Variants in WDR7 observed in about 807,000 individuals in gnomAD.
The protein encoded by WDR7 is WD repeat domain 7.
In WDR7, 46 loss-of-function variants were observed where a neutral mutation model predicts 169.4. The observed-to-expected ratio is 0.27, with a 90% confidence interval of 0.21 to 0.35. WDR7 has a LOEUF of 0.35. WDR7 is among the 10% of genes least tolerant of loss of function. The pLI is 1.00. For missense variants in WDR7, 1,534 were observed against 1,859.3 expected (o/e 0.83, Z 3.22); for synonymous variants, 612 against 666.8 (o/e 0.92, Z 1.27).
rs541055984 is a variant in WDR7 at position 57,027,385 on chromosome 18, A to G, written c.*178A>G. 6 of 733,416 alleles carry G rather than the reference A, an allele frequency of 8.2e-6. No individual in the cohort carries two copies. Among genetic ancestry groups the G allele is most frequent in the Admixed American group, 5.8e-5 (2 of 34,614 alleles). 45.4% of individuals were successfully genotyped at this position (733,416 alleles called of 1,614,324 possible). A position where few individuals can be genotyped will look rare whatever the true frequency, so the allele number is the denominator to read the frequency against. On this transcript the variant is annotated 3_prime_UTR_variant, in exon 28 of 28. Transcript: ENST00000254442. Reference sequence around the variant, plus strand: ...CTCAGGGGCAGAACCCGCTCGTGCCATCTGTCGATTCAGAGGCACGCACAC... The same window carrying G: ...CTCAGGGGCAGAACCCGCTCGTGCCGTCTGTCGATTCAGAGGCACGCACAC...
At chr18:56,702,422 G>A (rs369192607) in intron 12 of WDR7, among the ~76,000 whole-genome samples, 4 of 152,212 alleles carry the variant, frequency 2.6e-5, no homozygotes, top group South Asian at 2.1e-4. Context: ...TCAAGAGTAC[G>A]TTATAAAACA....
intron 26 of WDR7, among the ~76,000 whole-genome samples, chr18:56,994,756 G>T (rs1344574347): frequency 6.6e-6 from 1 of 152,150 alleles, no homozygotes; most frequent in African/African-American, 2.4e-5. Flanking sequence ...AAATCCCATT[G>T]CATGCTACTC....
intron 20 of WDR7, among the ~76,000 whole-genome samples, chr18:56,835,731 TCTTATGTTA>T (rs1361936311): frequency 3.3e-5 from 5 of 152,218 alleles, no homozygotes; most frequent in African/African-American, 9.6e-5. Context: ...AAAACTTATG[TCTTATGTTA>T]CTAGGTTTTT....
At chr18:56,984,561 A>G (rs1427157009) in intron 26 of WDR7, among the ~76,000 whole-genome samples, 1 of 152,188 alleles carries the variant, frequency 6.6e-6, no homozygotes, top group African/African-American at 2.4e-5. Flanking sequence ...GGAATGTTTT[A>G]CTCACAAAAA....
Position 56,695,156 on chromosome 18 carries a change from G to A in WDR7, c.1315G>A (p.Ala439Thr). 2 of 1,614,150 alleles carry A rather than the reference G, an allele frequency of 1.2e-6. No individual in the cohort carries two copies. The highest frequency in any genetic ancestry group is 1.7e-6 in the Non-Finnish European group (2 of 1,180,010). The change falls in exon 11 of 28, where the codon GCC becomes ACC. Residue 439 changes from alanine (A) to threonine (T), a missense_variant. Transcript: ENST00000254442. The part of the protein sequence containing the change: ...SIVIVPATQT[A>T]IVQLLQGEHM... The stretch of plus-strand genomic sequence containing the variant: ...AGTTATTGTACCTGCCACACAGACG[G>A]CCATAGTACAGCTGTTGCAAGGGGA...
intron 13 of WDR7, among the ~76,000 whole-genome samples, chr18:56,719,009 T>G (rs2469459): frequency 0.096 from 14,687 of 152,300 alleles, 863 homozygotes; most frequent in Non-Finnish European, 0.13. Context: ...CTTTTATTTA[T>G]TGTCTTCATT....
At chr18:56,998,222 C>T (rs1428586268) in intron 26 of WDR7, among the ~76,000 whole-genome samples, 2 of 152,138 alleles carry the variant, frequency 1.3e-5, no homozygotes, top group Non-Finnish European at 2.9e-5. Context: ...GTGTTACTCT[C>T]TCAGACCCAT....
intron 25 of WDR7, among the ~76,000 whole-genome samples, chr18:56,950,312 G>C (rs2047164221): frequency 2.0e-5 from 3 of 152,170 alleles, no homozygotes; most frequent in Non-Finnish European, 4.4e-5. Flanking sequence ...CACTGCCAGC[G>C]TGGCAGTGAA....
chr18:57,003,454 C>G, intron 26 of WDR7, among the ~76,000 whole-genome samples: 1 of 151,962 alleles, frequency 6.6e-6, no homozygotes, highest in Non-Finnish European at 1.5e-5. Flanking sequence ...TTAAAAAGCA[C>G]TCTCTAATTA....
chr18:56,704,721 C>G (rs1157293718), intron 12 of WDR7, among the ~76,000 whole-genome samples: 1 of 152,154 alleles, frequency 6.6e-6, no homozygotes, highest in Non-Finnish European at 1.5e-5. Context: ...GCATCCTTAG[C>G]TGACTGTGCT....
chr18:56,683,621 T>C (rs2025391815), intron 5 of WDR7, among the ~76,000 whole-genome samples: 1 of 152,194 alleles, frequency 6.6e-6, no homozygotes, highest in Non-Finnish European at 1.5e-5. Flanking sequence ...CATTTACATA[T>C]GATCAATTCT....
At chr18:56,862,156 A>T (rs1023358816) in intron 20 of WDR7, among the ~76,000 whole-genome samples, 13 of 152,130 alleles carry the variant, frequency 8.5e-5, no homozygotes, top group African/African-American at 3.1e-4. Flanking sequence ...AATTTTTAGA[A>T]CTACTTTACT....
chr18:56,768,924 T>C (rs2044109830), intron 16 of WDR7, among the ~76,000 whole-genome samples: 1 of 152,204 alleles, frequency 6.6e-6, no homozygotes, highest in African/African-American at 2.4e-5. Flanking sequence ...ATAGTTAAGA[T>C]AGTTCAGCTT....
At chr18:56,940,852 G>C (rs1420418900) in intron 25 of WDR7, among the ~76,000 whole-genome samples, 3 of 152,068 alleles carry the variant, frequency 2.0e-5, no homozygotes, top group Non-Finnish European at 4.4e-5. Flanking sequence ...TTTCCCCTCT[G>C]CTGGAAGCCT....
chr18:56,830,044 A>G (rs145012713), intron 20 of WDR7, among the ~76,000 whole-genome samples: 1 of 152,218 alleles, frequency 6.6e-6, no homozygotes, highest in Admixed American at 6.5e-5. Flanking sequence ...TAAATTGGTT[A>G]GTGTACTGTC....
chr18:56,761,745 T>C (rs981351012), intron 16 of WDR7, among the ~76,000 whole-genome samples: 1 of 151,922 alleles, frequency 6.6e-6, no homozygotes, highest in Non-Finnish European at 1.5e-5. Flanking sequence ...ATTTGGATAT[T>C]AGATTTAAAA....
intron 20 of WDR7, among the ~76,000 whole-genome samples, chr18:56,831,042 G>A (rs1039746767): frequency 6.6e-5 from 10 of 152,330 alleles, no homozygotes; most frequent in Middle Eastern, 6.8e-3. Context: ...ATGATCTTCA[G>A]TGTAGCCAGA....
At position 56,756,950 on chromosome 18, in the gene WDR7, A is replaced by C; in HGVS notation, c.2357A>C (p.Lys786Thr). 1.2e-6 allele frequency: 2 copies of C among 1,614,198 alleles called. No homozygotes were observed. Among genetic ancestry groups the C allele is most frequent in the Non-Finnish European group, 1.7e-6 (2 of 1,180,038 alleles). ...CCTGAATATCGGTCCAGCAAATCAA[A>C]GCCATTGACCCTATTAGAATATAAT... ...SDPEYRSSKS[K>T]PLTLLEYNLT... Residue 786 changes from lysine to threonine, a missense_variant, in exon 15 of 28, where the codon AAG becomes ACG. Physicochemically the swap from Lys to Thr is moderately conservative, Grantham distance 78. Transcript: ENST00000254442.
intron 20 of WDR7, among the ~76,000 whole-genome samples, chr18:56,870,890 A>G (rs529951807): frequency 6.6e-6 from 1 of 152,334 alleles, no homozygotes; most frequent in East Asian, 1.9e-4. Context: ...TTTGAAATAT[A>G]TTTTGATTGG....
Sources: gnomAD v4.1 joint callset for allele counts (sites outside exome capture counted in the v4.1 genomes callset) on GRCh38, gnomAD v4.1.1 for gene constraint, MANE v1.5 for transcripts, NCBI Gene and HGNC (gene_info 2026-07-23, HGNC 2026-07-21) for gene names.